Variants in FRMPD2 observed in about 807,000 individuals in gnomAD.
FRMPD2 encodes the protein FERM and PDZ domain-containing protein 2.
Under a neutral mutation model 140.1 loss-of-function variants are expected in FRMPD2, and 96 were observed. The observed-to-expected ratio is 0.69, with a 90% CI of 0.58 to 0.81. The LOEUF is 0.81. Ranked by LOEUF, FRMPD2 falls within the 40% of genes least tolerant of loss-of-function variation. The pLI, the probability that FRMPD2 is intolerant of heterozygous loss-of-function variation, is 0.00. For missense variants in FRMPD2, 1,240 were observed against 1,447.4 expected, an observed-to-expected ratio of 0.86 and a Z score of 2.32; for synonymous variants, 449 against 547.6, an observed-to-expected ratio of 0.82 and a Z score of 2.52.
intron 9 of FRMPD2, 64 bp downstream of exon 9, chr10:48,236,418 C>T: frequency 7.1e-7 from 1 of 1,402,724 alleles, no homozygotes; most frequent in Non-Finnish European, 1.0e-6. Flanking sequence ...ACACAATTGG[C>T]CTCCCGCAAC....
chr10:48,269,705 C>T (rs948945340), intron 1 of FRMPD2, among the ~76,000 whole-genome samples: 15 of 152,186 alleles, frequency 9.9e-5, no homozygotes, highest in African/African-American at 3.1e-4. Context: ...AGAAGTGAAG[C>T]AGCTTCATTC....
chr10:48,273,127 T>C (rs183344827), intron 1 of FRMPD2, among the ~76,000 whole-genome samples: 1 of 152,300 alleles, frequency 6.6e-6, no homozygotes, highest in Non-Finnish European at 1.5e-5. Flanking sequence ...GATGCATATG[T>C]ATTTGTTTTT....
intron 15 of FRMPD2, among the ~76,000 whole-genome samples, chr10:48,200,666 T>C (rs1269016770): frequency 6.6e-6 from 1 of 152,234 alleles, no homozygotes; most frequent in Non-Finnish European, 1.5e-5. Flanking sequence ...GAAAGTGTCA[T>C]TGGACGGTGC....
In FRMPD2 at chr10:48,219,000, A is replaced by C. The variant is rs1252041696; in HGVS notation, c.1455+3313T>G. ...CCAATCACCTGTGCTGGCCAAAGGT[A>C]TGGGAGGATGCGAAAAAGTATCCAG... On this transcript the variant is annotated intron_variant, in intron 12 of 28. Coordinates refer to ENST00000374201, the MANE Select transcript of FRMPD2 (RefSeq NM_001018071.4). 3.3e-5 allele frequency among the ~76,000 whole-genome samples: 5 copies of C among 152,316 alleles called. No homozygotes were observed. In the East Asian group the frequency reaches 9.6e-4, roughly 29 times the overall value.
At chr10:48,187,804 A>C (rs1257961581) in intron 16 of FRMPD2, among the ~76,000 whole-genome samples, 2 of 152,198 alleles carry the variant, frequency 1.3e-5, no homozygotes, top group Non-Finnish European at 2.9e-5. Context: ...GCACAGGGTC[A>C]CTGACCTGCT....
At chr10:48,248,468 T>C (rs1349707751) in intron 3 of FRMPD2, 3 of 152,238 alleles carry the variant, frequency 2.0e-5, no homozygotes, top group Non-Finnish European at 4.4e-5. Context: ...TGTGCACATA[T>C]ATTGAATTTC....
rs779685249 is a variant in FRMPD2, at chr10:48,242,251, C to A, written c.477G>T (p.Arg159=). 2.5e-6 allele frequency: 4 copies of A among 1,614,128 alleles called. No individual in the cohort carries two copies. The South Asian group carries it at 4.4e-5, about 18-fold the overall frequency. ...AGACAGACACTTCTTTCTCATGAAC[C>A]CGACAAGCTTCCAGAACCGACTGCA... is the stretch of plus-strand genomic sequence containing the variant. The part of the protein sequence containing the change: ...CTLQSVLEAC[R]VHEKEVSVYP... The change falls in exon 5 of 29, where the codon CGG becomes CGT. Residue 159 remains arginine, a synonymous_variant. Coordinates refer to ENST00000374201, the MANE Select transcript of FRMPD2 (RefSeq NM_001018071.4).
chr10:48,248,830 A>G (rs573673032), intron 3 of FRMPD2, 191 bp downstream of exon 3: 20 of 453,512 alleles, frequency 4.4e-5, no homozygotes, highest in African/African-American at 2.4e-4. Flanking sequence ...AGAGAAGTGG[A>G]CTTGCCCTTG....
At chr10:48,216,100 G>A (rs1839440847) in intron 12 of FRMPD2, among the ~76,000 whole-genome samples, 1 of 152,128 alleles carries the variant, frequency 6.6e-6, no homozygotes, top group Admixed American at 6.5e-5. Flanking sequence ...ATTCAGGCTT[G>A]GACTGGAACT....
At chr10:48,225,816 C>T (rs937263184) in intron 10 of FRMPD2, among the ~76,000 whole-genome samples, 2 of 152,188 alleles carry the variant, frequency 1.3e-5, no homozygotes, top group Non-Finnish European at 1.5e-5. Flanking sequence ...TTCCAGGAAT[C>T]ATCTTTCTGC....
At chr10:48,210,169 C>G (rs1019848478) in intron 13 of FRMPD2, among the ~76,000 whole-genome samples, 3 of 152,154 alleles carry the variant, frequency 2.0e-5, no homozygotes, top group African/African-American at 7.2e-5. Context: ...TAATGAGAGG[C>G]TCCCAATGTG....
intron 7 of FRMPD2, among the ~76,000 whole-genome samples, chr10:48,239,098 C>T (rs1020666114): frequency 1.3e-5 from 2 of 152,180 alleles, no homozygotes; most frequent in Admixed American, 1.3e-4. Context: ...GGAGGAGAGC[C>T]AGAGCTTCCC....
intron 27 of FRMPD2, among the ~76,000 whole-genome samples, chr10:48,164,098 T>A (rs1564411929): frequency 6.6e-6 from 1 of 150,588 alleles, no homozygotes. Flanking sequence ...CTCCTCACTT[T>A]CCCAGACATG....
chr10:48,221,840 G>C (rs1166023644), intron 12 of FRMPD2, among the ~76,000 whole-genome samples: 1 of 152,134 alleles, frequency 6.6e-6, no homozygotes, highest in African/African-American at 2.4e-5. Context: ...GTGGGTGGCT[G>C]GGTGGGTAGA....
Position 48,192,590 on chromosome 10 carries a change from CA to C in FRMPD2, c.2165+93del, listed in dbSNP as rs200504667. ...GGGCAACAAGAGCAAAACTCAGTCTCAAAAAAAAAATAAAATAAATCTTCAG... is the reference window on the plus strand; with the variant it reads ...GGGCAACAAGAGCAAAACTCAGTCTCAAAAAAAAATAAAATAAATCTTCAG... On this transcript the variant is annotated intron_variant, in intron 16 of 28. Coordinates refer to ENST00000374201, the MANE Select transcript of FRMPD2 (RefSeq NM_001018071.4). 7.6e-3 allele frequency: 7,966 copies of C among 1,042,824 alleles called. 72 individuals carry two copies. Among genetic ancestry groups the C allele is most frequent in the African/African-American group, 0.052 (3,171 of 60,952 alleles). The allele number at this position is 1,042,824 out of a possible 1,614,324, so 64.6% of individuals were successfully genotyped here. A position where few individuals can be genotyped will look rare whatever the true frequency, so the allele number is the denominator to read the frequency against.
At chr10:48,228,005 T>A (rs1025067815) in intron 10 of FRMPD2, among the ~76,000 whole-genome samples, 30 of 152,160 alleles carry the variant, frequency 2.0e-4, no homozygotes, top group Non-Finnish European at 8.8e-5. Context: ...AAATTGTAAA[T>A]GTAACCTAAG....
At chr10:48,194,209 G>T (rs1401513343) in intron 15 of FRMPD2, among the ~76,000 whole-genome samples, 1 of 152,178 alleles carries the variant, frequency 6.6e-6, no homozygotes, top group Non-Finnish European at 1.5e-5. Flanking sequence ...ACCCTATGGG[G>T]TAGATATTAT....
intron 7 of FRMPD2, among the ~76,000 whole-genome samples, chr10:48,238,847 G>A (rs184132362): frequency 3.9e-5 from 6 of 152,338 alleles, no homozygotes; most frequent in Non-Finnish European, 8.8e-5. Flanking sequence ...GCAGCCTCCT[G>A]CCATCAAGAG....
At chr10:48,267,357 A>G (rs1840695495) in intron 1 of FRMPD2, among the ~76,000 whole-genome samples, 1 of 152,228 alleles carries the variant, frequency 6.6e-6, no homozygotes, top group Non-Finnish European at 1.5e-5. Context: ...GAACTGAAAA[A>G]TACAATAACC....
Sources: allele counts gnomAD v4.1 joint callset (sites outside exome capture counted in the v4.1 genomes callset), GRCh38; gene constraint gnomAD v4.1.1; transcripts MANE v1.5; gene names NCBI Gene and HGNC (gene_info 2026-07-23, HGNC 2026-07-21).